DST: variants seen among roughly 807,000 people sequenced by gnomAD.
The protein encoded by DST is dystonin, also known as bullous pemphigoid antigen.
In DST, 253 loss-of-function variants were observed where a neutral mutation model predicts 875.2. That is an observed-to-expected ratio of 0.29 (90% CI 0.26 to 0.32). The LOEUF is 0.32. Ranked by LOEUF, DST falls within the 10% of genes least tolerant of loss-of-function variation. DST has a pLI of 1.00. For missense variants in DST, 8,287 were observed against 9,111.6 expected, an observed-to-expected ratio of 0.91 and a Z score of 3.68; for synonymous variants, 3,124 against 3,197.1, an observed-to-expected ratio of 0.98 and a Z score of 0.77.
At position 56,768,995 on chromosome 6, in the gene DST, G is replaced by A. The variant is rs148676320; in HGVS notation, c.626-33706C>T. Among the ~76,000 whole-genome samples the A allele has an allele frequency of 9.8e-3, 1,485 of 152,162 alleles. 18 individuals carry two copies. Among genetic ancestry groups the A allele is most frequent in the African/African-American group, 0.033 (1,372 of 41,504 alleles). On this transcript the variant is annotated intron_variant, in intron 4 of 103. Coordinates refer to ENST00000680361, the MANE Select transcript of DST (RefSeq NM_001374736.1). ...TCACACCACTGCACTCCAGCCTGGT[G>A]ACAGAGTGAGACTCCATCGCAATAT...
At chr6:56,950,189 T>C (rs548742865) in intron 2 of DST, among the ~76,000 whole-genome samples, 1 of 152,302 alleles carries the variant, frequency 6.6e-6, no homozygotes, top group South Asian at 2.1e-4. Context: ...TTAACTCTTT[T>C]GGTTCCTTTG....
chr6:56,526,774 A>G (rs1284318581), intron 68 of DST, among the ~76,000 whole-genome samples: 1 of 152,144 alleles, frequency 6.6e-6, no homozygotes, highest in South Asian at 2.1e-4. Context: ...AGTTCAAAGA[A>G]CAATTCATTT....
At position 56,553,327 on chromosome 6, in the gene DST, T is replaced by C. The variant is rs764050980; in HGVS notation, c.15465A>G (p.Lys5155=). The C allele has an allele frequency of 8.7e-6, 14 of 1,612,184 alleles. No homozygotes were observed. Among genetic ancestry groups the C allele is most frequent in the Non-Finnish European group, 1.1e-5 (13 of 1,179,550 alleles). ...TNWDTFNKQV[K]ERENKLKESL... ...ACTCTTTTAACTTGTTTTCTCTTTC[T>C]TTCACCTGCTTATTAAATGTATCCC... The change falls in exon 61 of 104, where the codon AAA becomes AAG. Residue 5155 remains lysine, a synonymous_variant. Coordinates refer to ENST00000680361, the MANE Select transcript of DST (RefSeq NM_001374736.1).
intron 5 of DST, among the ~76,000 whole-genome samples, chr6:56,718,399 G>A (rs1237497962): frequency 3.9e-5 from 6 of 152,124 alleles, no homozygotes; most frequent in Non-Finnish European, 1.5e-5. Context: ...TAAAATCAAA[G>A]ACAATGACAA....
chr6:56,471,627 A>G (rs1037474875), intron 94 of DST, among the ~76,000 whole-genome samples: 1 of 152,202 alleles, frequency 6.6e-6, no homozygotes, highest in African/African-American at 2.4e-5. Context: ...CCTCTGCACT[A>G]TTAGCCACTC....
At chr6:56,625,462 A>G (rs1379083140) in intron 34 of DST, among the ~76,000 whole-genome samples, 198 bp from the exon 35 acceptor site, 2 of 152,176 alleles carry the variant, frequency 1.3e-5, no homozygotes, top group African/African-American at 4.8e-5. Flanking sequence ...GAAACATTTC[A>G]GTCAAAGACA....
intron 37 of DST, among the ~76,000 whole-genome samples, chr6:56,613,355 A>C (rs1340076149): frequency 6.6e-6 from 1 of 152,154 alleles, no homozygotes; most frequent in Non-Finnish European, 1.5e-5. Context: ...CTGGTCTGTA[A>C]ACTTCTCCAA....
In DST at chr6:56,608,291, G is replaced by A. The variant is rs764080881; in HGVS notation, c.6337C>T (p.Pro2113Ser). 12 of 1,613,350 alleles carry A rather than the reference G, an allele frequency of 7.4e-6. No individual in the cohort carries two copies. In the African/African-American group the frequency reaches 1.5e-4, roughly 20 times the overall value. The change falls in exon 40 of 104, where the codon CCA becomes TCA. Residue 2113 changes from proline (P) to serine (S), a missense_variant. Pro to Ser is a moderately conservative substitution (Grantham distance 74, BLOSUM62 -1). Transcript: ENST00000680361. ...AAACCAATGACTTGAGAACTTTCTG[G>A]AATATAAAGAGCAGCTATTTTTTGT... ...GRQKIAALYIPESSQVIGLDA... is the reference protein window; with the variant it reads ...GRQKIAALYISESSQVIGLDA...
intron 9 of DST, among the ~76,000 whole-genome samples, chr6:56,677,182 A>T (rs1283319615): frequency 1.3e-5 from 2 of 152,210 alleles, no homozygotes; most frequent in African/African-American, 4.8e-5. Flanking sequence ...GGTTCTAAAG[A>T]TTAAATAAAA....
At chr6:56,577,623 G>C (rs1356271163) in intron 50 of DST, among the ~76,000 whole-genome samples, 4 of 152,132 alleles carry the variant, frequency 2.6e-5, no homozygotes, top group Admixed American at 6.5e-5. Context: ...AAAGAGCTAA[G>C]TTCCATTCTT....
intron 9 of DST, among the ~76,000 whole-genome samples, chr6:56,673,247 AAAAACAAAAC>A (rs921499587): frequency 3.9e-5 from 6 of 152,174 alleles, no homozygotes; most frequent in East Asian, 1.9e-4. Flanking sequence ...CCTTAAAATC[AAAAACAAAAC>A]AAAACAAAAC....
At chr6:56,585,531 C>T (rs1309394173) in intron 49 of DST, among the ~76,000 whole-genome samples, 4 of 151,702 alleles carry the variant, frequency 2.6e-5, no homozygotes, top group African/African-American at 9.7e-5. Context: ...TTTGTTGATC[C>T]TTTCAAAAAA....
chr6:56,854,059 T>G (rs1449844803), intron 3 of DST, among the ~76,000 whole-genome samples: 1 of 152,158 alleles, frequency 6.6e-6, no homozygotes, highest in Non-Finnish European at 1.5e-5. Flanking sequence ...TTTTTAAAAA[T>G]ATAAGGTAAA....
intron 5 of DST, among the ~76,000 whole-genome samples, chr6:56,704,888 T>G (rs148237056): frequency 1.1e-4 from 16 of 152,192 alleles, no homozygotes; most frequent in Non-Finnish European, 2.1e-4. Flanking sequence ...TTCAAAAAAA[T>G]TTTTTGAAAT....
intron 2 of DST, among the ~76,000 whole-genome samples, chr6:56,904,851 G>A (rs1338713577): frequency 6.6e-6 from 1 of 152,114 alleles, no homozygotes; most frequent in East Asian, 1.9e-4. Flanking sequence ...GTGCAGTGGC[G>A]CAATATCGGC....
intron 81 of DST, 169 bp from the exon 82 acceptor site, chr6:56,497,676 A>G: frequency 3.1e-6 from 3 of 961,598 alleles, no homozygotes; most frequent in Non-Finnish European, 4.5e-6. Flanking sequence ...AGATAAGAGT[A>G]TTATGCTAAG....
intron 4 of DST, among the ~76,000 whole-genome samples, chr6:56,779,825 T>C (rs1379923002): frequency 6.7e-6 from 1 of 150,072 alleles, no homozygotes; most frequent in Non-Finnish European, 1.5e-5. Flanking sequence ...GCTGCACCCA[T>C]TAACTCGTCA....
chr6:56,701,701 C>A (rs559698806), intron 8 of DST, among the ~76,000 whole-genome samples, 187 bp downstream of exon 8: 1 of 152,110 alleles, frequency 6.6e-6, no homozygotes, highest in South Asian at 2.1e-4. Context: ...GGGCTTATCC[C>A]TACTATTAAC....
chr6:56,675,603 T>C (rs1189765270), intron 9 of DST, among the ~76,000 whole-genome samples: 1 of 152,114 alleles, frequency 6.6e-6, no homozygotes, highest in Non-Finnish European at 1.5e-5. Context: ...CCTGTAATCC[T>C]AGCACTTTGG....
Sources: allele counts gnomAD v4.1 joint callset (sites outside exome capture counted in the v4.1 genomes callset), GRCh38; gene constraint gnomAD v4.1.1; transcripts MANE v1.5; gene names NCBI Gene and HGNC (gene_info 2026-07-23, HGNC 2026-07-21).